Variants in YAP1 observed in about 807,000 individuals in gnomAD.
The protein encoded by YAP1 is Yes1 associated transcriptional regulator.
A neutral mutation model predicts 56.9 loss-of-function variants in YAP1; 5 were observed. The ratio of observed to expected loss-of-function variants is 0.09; its 90% CI spans 0.05 to 0.18. The LOEUF (loss-of-function observed/expected upper bound fraction) is 0.18. YAP1 is among the 10% of genes least tolerant of loss of function. The pLI is 1.00. For missense variants in YAP1, 539 were observed against 651.8 expected (o/e 0.83, Z 1.88); for synonymous variants, 265 against 248.1 (o/e 1.07, Z -0.64).
intron 3 of YAP1, among the ~76,000 whole-genome samples, chr11:102,166,546 T>C (rs1946621491): frequency 6.6e-6 from 1 of 152,208 alleles, no homozygotes; most frequent in Non-Finnish European, 1.5e-5. Context: ...AGCATGTAAG[T>C]AAATTTTGAG....
chr11:102,153,514 A>G (rs1945780405), intron 2 of YAP1, among the ~76,000 whole-genome samples: 1 of 152,208 alleles, frequency 6.6e-6, no homozygotes, highest in Non-Finnish European at 1.5e-5. Flanking sequence ...CTGATACAGC[A>G]TTGAAGTATC....
In YAP1 at chr11:102,232,051, G is replaced by A. The variant is rs1158363646; in HGVS notation, c.*2111G>A. On this transcript the variant is annotated 3_prime_UTR_variant, in exon 9 of 9. Transcript: ENST00000282441. ...AAGATTAAATCTTGAATTAAGTCTG[G>A]GGGGAAATGGCCACTGCAGATGGAG... 1.3e-5 allele frequency: 2 copies of A among 152,452 alleles called. No homozygotes were observed. The highest frequency in any genetic ancestry group is 2.9e-5 in the Non-Finnish European group (2 of 67,998). The allele number at this position is 152,452 out of a possible 1,614,324, so 9.4% of individuals were successfully genotyped here. A position where few individuals can be genotyped will look rare whatever the true frequency, so the allele number is the denominator to read the frequency against.
intron 6 of YAP1, among the ~76,000 whole-genome samples, chr11:102,215,473 CTTATG>C (rs921555498): frequency 1.3e-5 from 2 of 152,090 alleles, no homozygotes; most frequent in African/African-American, 4.8e-5. Flanking sequence ...ATCATTAATT[CTTATG>C]TTATTTTATT....
chr11:102,187,138 A>G (rs561435804), intron 4 of YAP1, among the ~76,000 whole-genome samples: 1 of 152,216 alleles, frequency 6.6e-6, no homozygotes, highest in Admixed American at 6.5e-5. Context: ...AAAAGAAAAA[A>G]CTGTATCTGG....
intron 3 of YAP1, among the ~76,000 whole-genome samples, chr11:102,179,778 G>C (rs1009723361): frequency 1.3e-5 from 2 of 152,058 alleles, no homozygotes; most frequent in African/African-American, 4.8e-5. Flanking sequence ...AATTCCATCA[G>C]ATAGGGACTA....
At chr11:102,217,702 T>C (rs1022545263) in intron 6 of YAP1, among the ~76,000 whole-genome samples, 8 of 152,150 alleles carry the variant, frequency 5.3e-5, no homozygotes, top group Non-Finnish European at 8.8e-5. Context: ...ATTATCTTTT[T>C]TTTTTGAGAT....
chr11:102,154,162 A>G (rs1945817114), intron 2 of YAP1, among the ~76,000 whole-genome samples: 1 of 152,154 alleles, frequency 6.6e-6, no homozygotes, highest in Non-Finnish European at 1.5e-5. Flanking sequence ...AGAAAGCTGT[A>G]TTTTCACTGA....
At chr11:102,181,221 G>A (rs557243318) in intron 3 of YAP1, among the ~76,000 whole-genome samples, 144 of 151,938 alleles carry the variant, frequency 9.5e-4, no homozygotes, top group African/African-American at 3.3e-3. Flanking sequence ...TGAGGTGGGC[G>A]GATCACGAGG....
At chr11:102,222,953 A>AT (rs935488695) in intron 6 of YAP1, among the ~76,000 whole-genome samples, 6 of 151,756 alleles carry the variant, frequency 4.0e-5, no homozygotes, top group African/African-American at 1.5e-4. Context: ...TTTAAGAATT[A>AT]TTTTTTTAGG....
chr11:102,224,572 C>T (rs1950099645), intron 7 of YAP1, among the ~76,000 whole-genome samples: 8 of 152,166 alleles, frequency 5.3e-5, no homozygotes, highest in Admixed American at 5.2e-4. Context: ...TATTACACCA[C>T]CTTTTCAGTT....
chr11:102,180,122 G>A (rs1411705011), intron 3 of YAP1, among the ~76,000 whole-genome samples: 1 of 148,946 alleles, frequency 6.7e-6, no homozygotes. Context: ...AGATTCTCCT[G>A]CCTCAGCCTC....
chr11:102,119,385 TATTTA>T (rs1668930402), intron 2 of YAP1, among the ~76,000 whole-genome samples: 1 of 152,096 alleles, frequency 6.6e-6, no homozygotes, highest in African/African-American at 2.4e-5. Context: ...TTCTTTGCAT[TATTTA>T]ATTAATTTGC....
At position 102,229,805 on chromosome 11, in the gene YAP1, A is replaced by G; in HGVS notation, c.1380A>G (p.Gly460=). ...ATGTGGACCTTGGAACACTGGAAGG[A>G]GATGGAATGAACATAGAAGGAGAGG... is the stretch of plus-strand genomic sequence containing the variant. The part of the protein sequence containing the change: ...GTNVDLGTLE[G]DGMNIEGEEL... Residue 460 remains glycine (G), a synonymous_variant, in exon 9 of 9, where the codon GGA becomes GGG. Coordinates refer to ENST00000282441, the MANE Select transcript of YAP1 (RefSeq NM_001130145.3). The G allele has an allele frequency of 6.2e-7, 1 of 1,614,150 alleles. No homozygotes were observed. Among genetic ancestry groups the G allele is most frequent in the Non-Finnish European group, 8.5e-7 (1 of 1,180,002 alleles).
chr11:102,137,832 C>G (rs924495591), intron 2 of YAP1, among the ~76,000 whole-genome samples: 3 of 150,698 alleles, frequency 2.0e-5, no homozygotes, highest in Non-Finnish European at 4.4e-5. Flanking sequence ...GTTTACAACA[C>G]AGCTTATAAT....
chr11:102,205,917 G>A lies in YAP1; in HGVS notation c.827G>A (p.Ser276Asn). 2 of 1,594,464 alleles carry A rather than the reference G, an allele frequency of 1.3e-6. No homozygotes were observed. Among genetic ancestry groups the A allele is most frequent in the East Asian group, 2.3e-5 (1 of 44,192 alleles). Residue 276 changes from serine to asparagine, a missense_variant, in exon 5 of 9, where the codon AGT becomes AAT. Ser to Asn is a conservative substitution (Grantham distance 46). Transcript: ENST00000282441. ...GCCATGAACCAGAGAATCAGTCAGA[G>A]TGCTCCAGTGAAACAGCCACCACCC... ...RFAMNQRISQ[S>N]APVKQPPPLA... is the part of the protein sequence containing the mutation.
chr11:102,124,255 C>T, intron 2 of YAP1, among the ~76,000 whole-genome samples: 1 of 152,262 alleles, frequency 6.6e-6, no homozygotes, highest in East Asian at 1.9e-4. Flanking sequence ...GCCCGGCACT[C>T]CATTTTCTTC....
At chr11:102,122,381 C>T (rs746727961) in intron 2 of YAP1, among the ~76,000 whole-genome samples, 4 of 151,104 alleles carry the variant, frequency 2.6e-5, no homozygotes, top group Non-Finnish European at 4.4e-5. Context: ...GCCAACATCA[C>T]GCCACTGCAC....
chr11:102,166,059 A>ACTAG (rs2135417206), intron 3 of YAP1, among the ~76,000 whole-genome samples: 1 of 152,286 alleles, frequency 6.6e-6, no homozygotes, highest in South Asian at 2.1e-4. Context: ...AAGGGAAGAG[A>ACTAG]CTAGCTGATG....
At chr11:102,188,672 C>T (rs1440624266) in intron 4 of YAP1, among the ~76,000 whole-genome samples, 2 of 152,110 alleles carry the variant, frequency 1.3e-5, no homozygotes, top group Non-Finnish European at 1.5e-5. Flanking sequence ...TAGCTTGGGG[C>T]GATAGGCTAT....
Sources: gnomAD v4.1 joint callset for allele counts (sites outside exome capture counted in the v4.1 genomes callset) on GRCh38, gnomAD v4.1.1 for gene constraint, MANE v1.5 for transcripts, NCBI Gene and HGNC (gene_info 2026-07-23, HGNC 2026-07-21) for gene names.